The following NALF1 variants were observed in gnomAD, a reference collection of about 807,000 sequenced individuals.
The protein encoded by NALF1 is NALCN channel auxiliary factor 1.
In NALF1, 3 loss-of-function variants were observed where a neutral mutation model predicts 48.4. That is an observed-to-expected ratio of 0.06 (90% confidence interval 0.03 to 0.16). NALF1 has a LOEUF of 0.16. Among genes scored for constraint, NALF1 ranks in the 10% least tolerant of loss-of-function variants. The pLI is 1.00. For synonymous variants in NALF1, 262 were observed against 245.7 expected, an observed-to-expected ratio of 1.07 and a Z score of -0.62; for missense variants, 526 against 571.5, an observed-to-expected ratio of 0.92 and a Z score of 0.81.
At chr13:107,177,255 G>T (rs902917366) in intron 2 of NALF1, among the ~76,000 whole-genome samples, 69 of 152,148 alleles carry the variant, frequency 4.5e-4, no homozygotes, top group African/African-American at 1.7e-3. Context: ...TTCATGGATT[G>T]GAAGAATCAG....
chr13:107,806,080 C>T lies in NALF1; in HGVS notation c.915+59602G>A, dbSNP rs576289113. On this transcript the variant is annotated intron_variant, in intron 1 of 2. Coordinates refer to ENST00000375915, the MANE Select transcript of NALF1 (RefSeq NM_001080396.3). The stretch of plus-strand genomic sequence containing the variant: ...TTTTGTAACAGTTTCAGATTGCAAG[C>T]ATTTGAAGGAAGCATATAAACCTCG... 2.6e-5 allele frequency among the ~76,000 whole-genome samples: 4 copies of T among 152,196 alleles called. No homozygotes were observed. In the South Asian group the frequency reaches 8.3e-4, roughly 32 times the overall value.
intron 1 of NALF1, among the ~76,000 whole-genome samples, chr13:107,594,814 T>C (rs1239081565): frequency 6.6e-6 from 1 of 152,040 alleles, no homozygotes; most frequent in Admixed American, 6.6e-5. Flanking sequence ...GCTGTCACAC[T>C]GACAACTCTG....
Position 107,403,187 on chromosome 13 carries a change from GCTTTTTTT to G in NALF1, c.916-192440_916-192433del, listed in dbSNP as rs1190285350. On this transcript the variant is annotated intron_variant, in intron 1 of 2. Transcript: ENST00000375915. ...CTTCTGCTTGGTTTCTCTTGTTCGG[GCTTTTTTT>G]TTTTTTTTTTTTTTTTTTTTTTTAT... 9.3e-3 allele frequency among the ~76,000 whole-genome samples: 724 copies of G among 77,570 alleles called. 11 individuals are homozygous for G. Among genetic ancestry groups the G allele is most frequent in the African/African-American group, 0.038 (706 of 18,558 alleles). The allele number at this position is 77,570 out of a possible 152,430, so 50.9% of individuals were successfully genotyped here.
intron 1 of NALF1, among the ~76,000 whole-genome samples, chr13:107,707,089 A>C (rs1019691137): frequency 2.7e-5 from 4 of 150,804 alleles, no homozygotes; most frequent in Non-Finnish European, 5.9e-5. Flanking sequence ...CGCCCGGCTA[A>C]TTTTTTGTAT....
chr13:107,292,973 C>T (rs931418831), intron 1 of NALF1, among the ~76,000 whole-genome samples: 4 of 134,032 alleles, frequency 3.0e-5, no homozygotes, highest in Admixed American at 1.6e-4. Context: ...TTTTCAGCTC[C>T]GTTATAGTTT....
rs575881627 is a variant in NALF1 at position 107,695,243 on chromosome 13, C to T, written c.915+170439G>A. On this transcript the variant is annotated intron_variant, in intron 1 of 2. Transcript: ENST00000375915. ...GAATTAAAATCAGAAAAGCACCTAT[C>T]CTATGTCTCAAAGTCAGAGAAAAAC... is the stretch of plus-strand genomic sequence containing the variant. 7.9e-5 allele frequency among the ~76,000 whole-genome samples: 12 copies of T among 152,282 alleles called. No homozygotes were observed. The East Asian group carries it at 2.3e-3, about 29-fold the overall frequency.
At chr13:107,831,582 GA>G (rs1284062333) in intron 1 of NALF1, among the ~76,000 whole-genome samples, 1 of 151,878 alleles carries the variant, frequency 6.6e-6, no homozygotes, top group Non-Finnish European at 1.5e-5. Context: ...TGATTCAATA[GA>G]AAAAAGAGTA....
chr13:107,227,422 T>C (rs1880128982), intron 1 of NALF1, among the ~76,000 whole-genome samples: 1 of 152,216 alleles, frequency 6.6e-6, no homozygotes, highest in African/African-American at 2.4e-5. Flanking sequence ...AAAAAATGTG[T>C]GGTAAACACC....
chr13:107,435,718 T>G (rs1884452800), intron 1 of NALF1, among the ~76,000 whole-genome samples: 1 of 150,810 alleles, frequency 6.6e-6, no homozygotes, highest in Non-Finnish European at 1.5e-5. Context: ...GCCTGAGATG[T>G]GGGAACTTTT....
At chr13:107,533,559 T>A (rs1876709314) in intron 1 of NALF1, among the ~76,000 whole-genome samples, 1 of 152,132 alleles carries the variant, frequency 6.6e-6, no homozygotes, top group Admixed American at 6.6e-5. Flanking sequence ...TTTCTGTTCT[T>A]TATAAAGTAC....
At chr13:107,438,928 A>C (rs1884510995) in intron 1 of NALF1, among the ~76,000 whole-genome samples, 1 of 151,376 alleles carries the variant, frequency 6.6e-6, no homozygotes, top group African/African-American at 2.4e-5. Flanking sequence ...AAAATCTTAG[A>C]TATATCACAA....
rs1882202536 is a variant in NALF1 at position 107,318,994 on chromosome 13, T to C, written c.916-108239A>G. Among the ~76,000 whole-genome samples, 4 of 152,112 alleles carry C rather than the reference T, an allele frequency of 2.6e-5. 1 individual carries two copies. Among genetic ancestry groups the C allele is most frequent in the Admixed American group, 2.6e-4 (4 of 15,242 alleles). On this transcript the variant is annotated intron_variant, in intron 1 of 2. Coordinates refer to ENST00000375915, the MANE Select transcript of NALF1 (RefSeq NM_001080396.3). ...ACATACATGTTTCTACATAGACGTATGATTGTCCAGAAAATTTTGGTTAAG... is the reference window on the plus strand; with the variant it reads ...ACATACATGTTTCTACATAGACGTACGATTGTCCAGAAAATTTTGGTTAAG...
At chr13:107,782,587 C>T (rs1162304758) in intron 1 of NALF1, among the ~76,000 whole-genome samples, 1 of 151,390 alleles carries the variant, frequency 6.6e-6, no homozygotes, top group Non-Finnish European at 1.5e-5. Context: ...TGCCCGGCTG[C>T]CATCCCATCT....
rs1328553924 is a variant in NALF1, at chr13:107,565,696, G to T, written c.915+299986C>A. Among the ~76,000 whole-genome samples, 4 of 152,086 alleles carry T rather than the reference G, an allele frequency of 2.6e-5. No homozygotes were observed. In the East Asian group the frequency reaches 7.7e-4, roughly 29 times the overall value. On this transcript the variant is annotated intron_variant, in intron 1 of 2. Transcript: ENST00000375915. Reference sequence around the variant, plus strand: ...CCGTGCCCATGAGTCTAAATCATGTGTGTGTACATACATGTGTGTATGAGT... The same window carrying T: ...CCGTGCCCATGAGTCTAAATCATGTTTGTGTACATACATGTGTGTATGAGT...
At chr13:107,674,936 T>C (rs894749714) in intron 1 of NALF1, among the ~76,000 whole-genome samples, 1 of 152,074 alleles carries the variant, frequency 6.6e-6, no homozygotes, top group African/African-American at 2.4e-5. Context: ...TTCAATGATG[T>C]GGACTGTTCT....
At chr13:107,521,341 G>GA (rs1566375576) in intron 1 of NALF1, among the ~76,000 whole-genome samples, 1 of 151,972 alleles carries the variant, frequency 6.6e-6, no homozygotes, top group East Asian at 1.9e-4. Flanking sequence ...CATATTCAAA[G>GA]AAAAAACACT....
intron 1 of NALF1, among the ~76,000 whole-genome samples, chr13:107,277,604 C>A (rs1881306353): frequency 6.6e-6 from 1 of 152,136 alleles, no homozygotes; most frequent in Non-Finnish European, 1.5e-5. Context: ...GTCACTCATT[C>A]TACTAATGAA....
intron 1 of NALF1, among the ~76,000 whole-genome samples, chr13:107,317,839 A>G (rs1363807238): frequency 6.6e-6 from 1 of 152,056 alleles, no homozygotes; most frequent in Admixed American, 6.6e-5. Context: ...AAAACATAAG[A>G]TATAGAATTT....
At chr13:107,367,610 C>T (rs1262438048) in intron 1 of NALF1, among the ~76,000 whole-genome samples, 1 of 152,182 alleles carries the variant, frequency 6.6e-6, no homozygotes, top group Non-Finnish European at 1.5e-5. Context: ...CCGGGAGCCT[C>T]GTGGGCCTCT....
Sources: allele counts gnomAD v4.1 joint callset (sites outside exome capture counted in the v4.1 genomes callset), GRCh38; gene constraint gnomAD v4.1.1; transcripts MANE v1.5; gene names NCBI Gene and HGNC (gene_info 2026-07-23, HGNC 2026-07-21).